DMRT1: variants seen among roughly 807,000 people sequenced by gnomAD.
The protein encoded by DMRT1 is doublesex and mab-3 related transcription factor 1, also known as doublesex- and mab-3-related transcription factor 1.
DMRT1 carries 7 observed loss-of-function variants against 32.3 expected under a neutral mutation model. That is an observed-to-expected ratio of 0.22 (90% CI 0.12 to 0.41). The LOEUF is 0.41. Among genes scored for constraint, DMRT1 ranks in the 10% least tolerant of loss-of-function variants. DMRT1 has a pLI of 1.00. For synonymous variants in DMRT1, 278 were observed against 206.1 expected (o/e 1.35, Z -2.99); for missense variants, 625 against 500.5 (o/e 1.25, Z -2.37).
intron 1 of DMRT1, among the ~76,000 whole-genome samples, chr9:845,325 G>T (rs968271383): frequency 1.3e-5 from 2 of 151,464 alleles, no homozygotes; most frequent in Non-Finnish European, 2.9e-5. Flanking sequence ...TTCTCCTCTC[G>T]GCCTCCTGAG....
At chr9:883,837 C>T (rs1816826288) in intron 2 of DMRT1, among the ~76,000 whole-genome samples, 1 of 151,698 alleles carries the variant, frequency 6.6e-6, no homozygotes, top group African/African-American at 2.4e-5. Flanking sequence ...TTTGCTATAC[C>T]CTCGTAGCGC....
At chr9:864,748 C>T (rs1201146072) in intron 2 of DMRT1, among the ~76,000 whole-genome samples, 3 of 152,046 alleles carry the variant, frequency 2.0e-5, no homozygotes, top group Non-Finnish European at 2.9e-5. Context: ...GATCCGCCCA[C>T]CTCGGCCTCC....
chr9:911,482 T>TTG (rs1564245175), intron 3 of DMRT1, among the ~76,000 whole-genome samples: 982 of 67,280 alleles, frequency 0.015, 20 homozygotes, highest in African/African-American at 0.077. Flanking sequence ...TTTTTTTTTT[T>TTG]TTTTTTTTTT....
rs1244358270 is a variant in DMRT1 at position 893,782 on chromosome 9, A to G, written c.539-130A>G. On this transcript the variant is annotated intron_variant, in intron 2 of 4. Transcript: ENST00000382276. ...CCCTTATTTTGGCTATAGGAGAAGCAACAGATGGTTTTGTCTTCTGCATAT... is the reference window on the plus strand; with the variant it reads ...CCCTTATTTTGGCTATAGGAGAAGCGACAGATGGTTTTGTCTTCTGCATAT... The G allele has an allele frequency of 1.3e-5, 11 of 825,724 alleles. No homozygotes were observed. In the Admixed American group the frequency reaches 2.3e-4, roughly 17 times the overall value. The allele number at this position is 825,724 out of a possible 1,614,324, so 51.1% of individuals were successfully genotyped here.
chr9:932,739 G>A (rs553104533), intron 4 of DMRT1, among the ~76,000 whole-genome samples: 1 of 152,218 alleles, frequency 6.6e-6, no homozygotes, highest in South Asian at 2.1e-4. Flanking sequence ...CTACAAATTA[G>A]GGGTTCCTAC....
chr9:885,882 C>G (rs1316974877), intron 2 of DMRT1, among the ~76,000 whole-genome samples: 1 of 152,176 alleles, frequency 6.6e-6, no homozygotes, highest in African/African-American at 2.4e-5. Flanking sequence ...TTAAGAAAGC[C>G]AGCACATTCT....
intron 3 of DMRT1, among the ~76,000 whole-genome samples, chr9:898,857 A>G (rs527248948): frequency 4.6e-5 from 7 of 152,252 alleles, no homozygotes; most frequent in African/African-American, 1.7e-4. Context: ...TTGTGATACA[A>G]ATTTGGGTAG....
intron 3 of DMRT1, among the ~76,000 whole-genome samples, chr9:895,295 A>C (rs548699036): frequency 2.0e-5 from 3 of 152,196 alleles, no homozygotes; most frequent in Non-Finnish European, 4.4e-5. Flanking sequence ...AAGCATTCAG[A>C]GGCTAGATTA....
chr9:857,085 TGGGTGGATCACCTGAGGTCAGGA>T (rs1363334189), intron 2 of DMRT1, among the ~76,000 whole-genome samples: 1 of 152,104 alleles, frequency 6.6e-6, no homozygotes, highest in African/African-American at 2.4e-5. Context: ...GAGGCCGAGG[TGGGTGGATCACCTGAGGTCAGGA>T]GTTCGAAACC....
chr9:854,557 A>T (rs1020280872), intron 2 of DMRT1, among the ~76,000 whole-genome samples: 2 of 152,194 alleles, frequency 1.3e-5, no homozygotes, highest in African/African-American at 2.4e-5. Context: ...TCAAATAAGC[A>T]ATAAAAGCGT....
chr9:966,061 C>A (rs937397043), intron 4 of DMRT1, among the ~76,000 whole-genome samples: 1 of 152,170 alleles, frequency 6.6e-6, no homozygotes. Context: ...TCTTAGTCGG[C>A]TCTCCAGATC....
At position 897,125 on chromosome 9, in the gene DMRT1, A is replaced by T. The variant is rs201321079; in HGVS notation, c.822+2930A>T. ...TATTATTATTATTATTATTATTATT[A>T]TTTTTGAGACAGATTCTCGCTCTGT... On this transcript the variant is annotated intron_variant, in intron 3 of 4. Coordinates refer to ENST00000382276, the MANE Select transcript of DMRT1 (RefSeq NM_021951.3). Among the ~76,000 whole-genome samples the T allele has an allele frequency of 5.7e-4, 70 of 123,270 alleles. No individual in the cohort carries two copies. In the South Asian group the frequency reaches 9.5e-3, roughly 17 times the overall value. 80.9% of individuals were successfully genotyped at this position (123,270 alleles called of 152,430 possible). A position where few individuals can be genotyped will look rare whatever the true frequency, so the allele number is the denominator to read the frequency against.
intron 3 of DMRT1, among the ~76,000 whole-genome samples, chr9:898,695 C>G (rs1367916575): frequency 3.9e-5 from 6 of 152,210 alleles, no homozygotes; most frequent in Non-Finnish European, 7.3e-5. Flanking sequence ...GAAAATGGCT[C>G]AACCTTGAGG....
At chr9:894,327 T>C in intron 3 of DMRT1, 132 bp downstream of exon 3, 3 of 935,638 alleles carry the variant, frequency 3.2e-6, no homozygotes, top group Non-Finnish European at 5.2e-6. Flanking sequence ...CACACACAGG[T>C]ACACACACAT....
intron 2 of DMRT1, among the ~76,000 whole-genome samples, chr9:871,068 C>A (rs1301586284): frequency 6.6e-6 from 1 of 152,054 alleles, no homozygotes; most frequent in African/African-American, 2.4e-5. Context: ...CAAGGTCTGG[C>A]TCTGTTGCCC....
intron 4 of DMRT1, among the ~76,000 whole-genome samples, chr9:966,204 C>A (rs767244026): frequency 6.6e-6 from 1 of 152,128 alleles, no homozygotes; most frequent in Admixed American, 6.5e-5. Context: ...ATGCATATAA[C>A]AATACAAATT....
chr9:951,820 A>T (rs1211945625), intron 4 of DMRT1, among the ~76,000 whole-genome samples: 1 of 152,176 alleles, frequency 6.6e-6, no homozygotes, highest in Non-Finnish European at 1.5e-5. Context: ...GACCAGGCAA[A>T]CACATAATAG....
At chr9:906,984 G>C (rs1051479630) in intron 3 of DMRT1, among the ~76,000 whole-genome samples, 1 of 152,112 alleles carries the variant, frequency 6.6e-6, no homozygotes, top group East Asian at 1.9e-4. Flanking sequence ...GAGATAACAA[G>C]TCTCTATATT....
chr9:874,964 C>G (rs143752747), intron 2 of DMRT1, among the ~76,000 whole-genome samples: 12 of 151,810 alleles, frequency 7.9e-5, no homozygotes, highest in Admixed American at 7.9e-4. Context: ...CCCGCCACCA[C>G]GCCCGGCAAA....
Sources: gnomAD v4.1 joint callset for allele counts (sites outside exome capture counted in the v4.1 genomes callset) on GRCh38, gnomAD v4.1.1 for gene constraint, MANE v1.5 for transcripts, NCBI Gene and HGNC (gene_info 2026-07-23, HGNC 2026-07-21) for gene names.